The following DGLUCY variants were observed in gnomAD, a reference collection of about 807,000 sequenced individuals.
DGLUCY encodes D-glutamate cyclase.
Under a neutral mutation model 58.5 loss-of-function variants are expected in DGLUCY, and 58 were observed. That is an observed-to-expected ratio of 0.99 (90% confidence interval 0.80 to 1.23). The LOEUF is 1.23. Ranked by LOEUF, DGLUCY falls within the 50% of genes most tolerant of loss-of-function variation. The probability of loss-of-function intolerance (pLI) is 0.00; values close to 1 mark genes in which losing one functional copy is unlikely to be tolerated. For synonymous variants in DGLUCY, 325 were observed against 314.1 expected (o/e 1.03, Z -0.37); for missense variants, 779 against 784.7 (o/e 0.99, Z 0.09).
intron 1 of DGLUCY, among the ~76,000 whole-genome samples, chr14:91,157,247 ATG>A (rs1363019917): frequency 1.7e-5 from 2 of 117,584 alleles, no homozygotes; most frequent in Non-Finnish European, 3.5e-5. Context: ...GGATGGATGG[ATG>A]GATGGATGAA....
At chr14:91,219,833 C>CTTGGAGCTA (rs1887162303) in intron 13 of DGLUCY, among the ~76,000 whole-genome samples, 1 of 152,202 alleles carries the variant, frequency 6.6e-6, no homozygotes, top group Non-Finnish European at 1.5e-5. Context: ...ACTTGGAGCT[C>CTTGGAGCTA]AGGAGGTGGA....
chr14:91,146,107 A>G (rs1460034737), intron 1 of DGLUCY, among the ~76,000 whole-genome samples: 1 of 152,152 alleles, frequency 6.6e-6, no homozygotes, highest in Non-Finnish European at 1.5e-5. Flanking sequence ...TCCTGAGCTC[A>G]AGCCATCCAC....
chr14:91,221,606 G>A (rs1396040850), intron 13 of DGLUCY, among the ~76,000 whole-genome samples: 1 of 152,086 alleles, frequency 6.6e-6, no homozygotes, highest in Non-Finnish European at 1.5e-5. Flanking sequence ...ATGCATGGAT[G>A]GATGGATAGA....
At chr14:91,102,917 A>G (rs1333730296) in intron 1 of DGLUCY, among the ~76,000 whole-genome samples, 2 of 151,758 alleles carry the variant, frequency 1.3e-5, no homozygotes, top group African/African-American at 4.8e-5. Context: ...ACCCCCCATC[A>G]TGACTGGCTA....
intron 1 of DGLUCY, among the ~76,000 whole-genome samples, chr14:91,128,438 G>T (rs189509245): frequency 1.3e-5 from 2 of 152,012 alleles, no homozygotes; most frequent in African/African-American, 4.8e-5. Context: ...AGGTCACAAT[G>T]AGCCATGATC....
chr14:91,085,163 A>C (rs1271198189), intron 1 of DGLUCY, among the ~76,000 whole-genome samples: 1 of 150,672 alleles, frequency 6.6e-6, no homozygotes, highest in Non-Finnish European at 1.5e-5. Flanking sequence ...TTGAGGCTTC[A>C]GTGAGCCATG....
upstream of DGLUCY, among the ~76,000 whole-genome samples, chr14:91,103,281 A>C (rs1212409596): frequency 6.6e-6 from 1 of 152,132 alleles, no homozygotes; most frequent in Non-Finnish European, 1.5e-5. Flanking sequence ...GGCTGGCCTC[A>C]TTTCAAATTC....
intron 1 of DGLUCY, among the ~76,000 whole-genome samples, chr14:91,066,221 T>C (rs2043816817): frequency 6.6e-6 from 1 of 150,988 alleles, no homozygotes; most frequent in Non-Finnish European, 1.5e-5. Flanking sequence ...CTACTAAAAA[T>C]AGAAAAATTA....
In DGLUCY at chr14:91,225,018, AAGG is replaced by A. The variant is rs1314141639; in HGVS notation, c.*187_*189del. 44 of 536,654 alleles carry A rather than the reference AAGG, an allele frequency of 8.2e-5. 1 individual carries two copies. The highest frequency in any genetic ancestry group is 2.0e-4 in the East Asian group (6 of 29,980). The allele number at this position is 536,654 out of a possible 1,614,324, so 33.2% of individuals were successfully genotyped here. A position where few individuals can be genotyped will look rare whatever the true frequency, so the allele number is the denominator to read the frequency against. Reference sequence around the variant, plus strand: ...GGGGTTAGTGCAGGTGCTGTGGACAAAGGACAACATTTCTCTGGGGCTTTTTAA... The same window carrying A: ...GGGGTTAGTGCAGGTGCTGTGGACAAACAACATTTCTCTGGGGCTTTTTAA... On this transcript the variant is annotated 3_prime_UTR_variant, in exon 14 of 14. Coordinates refer to ENST00000256324, the MANE Select transcript of DGLUCY (RefSeq NM_001102368.3).
intron 1 of DGLUCY, among the ~76,000 whole-genome samples, chr14:91,061,464 G>C (rs909371482): frequency 6.6e-6 from 1 of 152,200 alleles, no homozygotes; most frequent in African/African-American, 2.4e-5. Flanking sequence ...CAATCTGTGT[G>C]TGTACACAAA....
intron 3 of DGLUCY, among the ~76,000 whole-genome samples, chr14:91,163,972 C>T (rs187438710): frequency 1.3e-5 from 2 of 152,210 alleles, no homozygotes; most frequent in African/African-American, 4.8e-5. Context: ...TTTTTTGAGA[C>T]AGATTCTTGC....
At position 91,184,493 on chromosome 14, in the gene DGLUCY, GC is replaced by G. The variant is rs948916206; in HGVS notation, c.934+3105del. Among the ~76,000 whole-genome samples, 3 of 148,266 alleles carry G rather than the reference GC, an allele frequency of 2.0e-5. No homozygotes were observed. The Admixed American group carries it at 2.1e-4, about 10-fold the overall frequency. On this transcript the variant is annotated intron_variant, in intron 8 of 13. Transcript: ENST00000256324. ...CGCTTGAGTTCAGGAATTTGAAGCT[GC>G]AGTGAGCCATGATTGCAGCACTGCA...
chr14:91,215,330 TCTG>T (rs1886350362), intron 12 of DGLUCY, 72 bp from the exon 13 acceptor site: 1 of 1,539,578 alleles, frequency 6.5e-7, no homozygotes, highest in African/African-American at 1.4e-5. Flanking sequence ...TGCAGATAGT[TCTG>T]CTTCCTAGAG....
chr14:91,072,653 CAAA>C (rs1009263745), intron 1 of DGLUCY, among the ~76,000 whole-genome samples: 1 of 121,806 alleles, frequency 8.2e-6, no homozygotes, highest in Non-Finnish European at 1.8e-5. Flanking sequence ...TTTGAGACAC[CAAA>C]AAAAAAAACA....
rs34785372 is a variant in DGLUCY at position 91,160,417 on chromosome 14, TAAAAAAAAAAAAAA to T, written c.103+31_103+44del. The T allele has an allele frequency of 3.1e-4, 177 of 579,480 alleles. 2 individuals carry two copies. Among genetic ancestry groups the T allele is most frequent in the Middle Eastern group, 1.5e-3 (3 of 1,992 alleles). The allele number at this position is 579,480 out of a possible 1,614,324, so 35.9% of individuals were successfully genotyped here. ...CTGGAGGTAAGTGGTGCCAGATAGT[TAAAAAAAAAAAAAA>T]AAAAAAAAAAGAAAGTTCCTGGGAA... is the stretch of plus-strand genomic sequence containing the variant. On this transcript the variant is annotated intron_variant, in intron 3 of 13. Coordinates refer to ENST00000256324, the MANE Select transcript of DGLUCY (RefSeq NM_001102368.3).
chr14:91,084,944 T>C (rs2044187566), intron 1 of DGLUCY, among the ~76,000 whole-genome samples: 1 of 151,980 alleles, frequency 6.6e-6, no homozygotes, highest in Non-Finnish European at 1.5e-5. Context: ...TAAAAGAGGG[T>C]GGGCATGGTG....
chr14:91,138,405 C>T (rs1449056743), intron 1 of DGLUCY, among the ~76,000 whole-genome samples: 2 of 152,090 alleles, frequency 1.3e-5, no homozygotes, highest in Non-Finnish European at 2.9e-5. Flanking sequence ...GCAGGAGAAT[C>T]GCTTGAACCC....
intron 1 of DGLUCY, among the ~76,000 whole-genome samples, chr14:91,118,280 G>A (rs1168384349): frequency 6.6e-6 from 1 of 151,694 alleles, no homozygotes; most frequent in East Asian, 1.9e-4. Context: ...TTTTAGTAGA[G>A]CCAGGGTTTC....
intron 1 of DGLUCY, chr14:91,147,872 C>T (rs2047094778): frequency 6.6e-6 from 1 of 152,210 alleles, no homozygotes; most frequent in African/African-American, 2.4e-5. Context: ...ATTTTATTCT[C>T]AATTAAAGAA....
Sources: gnomAD v4.1 joint callset for allele counts (sites outside exome capture counted in the v4.1 genomes callset) on GRCh38, gnomAD v4.1.1 for gene constraint, MANE v1.5 for transcripts, NCBI Gene and HGNC (gene_info 2026-07-23, HGNC 2026-07-21) for gene names.